HSD17B2: variants seen among roughly 807,000 people sequenced by gnomAD.
HSD17B2 encodes 17-beta-hydroxysteroid dehydrogenase type 2.
Under a neutral mutation model 26.9 loss-of-function variants are expected in HSD17B2, and 32 were observed. The observed-to-expected ratio is 1.19, with a 90% CI of 0.90 to 1.60. The LOEUF is 1.60. Ranked by LOEUF, HSD17B2 falls within the 40% of genes most tolerant of loss-of-function variation. The pLI is 0.00. For synonymous variants in HSD17B2, 246 were observed against 186.7 expected (o/e 1.32, Z -2.59); for missense variants, 613 against 468.6 (o/e 1.31, Z -2.85).
chr16:82,042,876 C>G (rs1000910380), intron 1 of HSD17B2, among the ~76,000 whole-genome samples: 1 of 152,216 alleles, frequency 6.6e-6, no homozygotes, highest in Non-Finnish European at 1.5e-5. Context: ...CTGCCTCGGC[C>G]TCCCAAAGTG....
Position 82,090,958 on chromosome 16 carries a change from A to C in HSD17B2, c.721A>C (p.Met241Leu). 6.2e-7 allele frequency: 1 copy of C among 1,614,010 alleles called. No individual in the cohort carries two copies. The highest frequency in any genetic ancestry group is 8.5e-7 in the Non-Finnish European group (1 of 1,179,884). Residue 241 changes from methionine to leucine, a missense_variant, in exon 4 of 5, where the codon ATG becomes CTG. Coordinates refer to ENST00000199936, the MANE Select transcript of HSD17B2 (RefSeq NM_002153.3). ...SYGSSKAAVT[M>L]FSSVMRLELS... ...TGGCTCATCAAAGGCGGCTGTGACC[A>C]TGTTCTCATCAGTTATGAGACTGGA...
In HSD17B2 at chr16:82,088,306, T is replaced by C. The variant is rs993116368; in HGVS notation, c.665-2596T>C. ...TTTTGAAAAGCCTGAGTAGCACTAATGGTAGAAAGCCCTTATATGGAGCTA... is the reference window on the plus strand; with the variant it reads ...TTTTGAAAAGCCTGAGTAGCACTAACGGTAGAAAGCCCTTATATGGAGCTA... On this transcript the variant is annotated intron_variant, in intron 3 of 4. Transcript: ENST00000199936. 5.3e-5 allele frequency among the ~76,000 whole-genome samples: 8 copies of C among 152,308 alleles called. No individual in the cohort carries two copies. The East Asian group carries it at 1.4e-3, about 26-fold the overall frequency.
Position 82,068,039 on chromosome 16 carries a change from A to C in HSD17B2, c.266-131A>C, listed in dbSNP as rs755425126. ...CCACCTCTCCACTTAGAACATAAAGAAACTTCCTCAGGAACCCCTCTCTTC... is the reference window on the plus strand; with the variant it reads ...CCACCTCTCCACTTAGAACATAAAGCAACTTCCTCAGGAACCCCTCTCTTC... On this transcript the variant is annotated intron_variant, in intron 1 of 4. Transcript: ENST00000199936. The C allele has an allele frequency of 7.8e-6, 6 of 771,752 alleles. No individual in the cohort carries two copies. The Admixed American group carries it at 1.1e-4, about 14-fold the overall frequency. 47.8% of individuals were successfully genotyped at this position (771,752 alleles called of 1,614,324 possible).
chr16:82,040,617 T>G (rs1272422379), intron 1 of HSD17B2, among the ~76,000 whole-genome samples: 1 of 152,230 alleles, frequency 6.6e-6, no homozygotes, highest in African/African-American at 2.4e-5. Context: ...AAGTAAATAT[T>G]GAACATCTGT....
intron 2 of HSD17B2, among the ~76,000 whole-genome samples, chr16:82,069,116 C>T (rs1410040860): frequency 1.3e-5 from 2 of 152,140 alleles, no homozygotes; most frequent in African/African-American, 4.8e-5. Flanking sequence ...ACCATGCGTC[C>T]ATGTGTTCTC....
intron 1 of HSD17B2, among the ~76,000 whole-genome samples, chr16:82,062,728 C>T (rs1396022622): frequency 6.6e-6 from 1 of 152,236 alleles, no homozygotes; most frequent in African/African-American, 2.4e-5. Flanking sequence ...AACATGCAAT[C>T]CATACTTGGT....
chr16:82,068,959 G>T (rs1222976194), intron 2 of HSD17B2, among the ~76,000 whole-genome samples: 2 of 152,096 alleles, frequency 1.3e-5, no homozygotes, highest in Non-Finnish European at 2.9e-5. Context: ...AGGATGTGCT[G>T]GTTTGTGACA....
rs143099925 is a variant in HSD17B2 at position 82,077,152 on chromosome 16, A to G, written c.664+6025A>G. ...AAATACCAATGACATTCTTCACAGA[A>G]ATAGAAAAAGAAATCCTGAAATTTA... On this transcript the variant is annotated intron_variant, in intron 3 of 4. Coordinates refer to ENST00000199936, the MANE Select transcript of HSD17B2 (RefSeq NM_002153.3). Among the ~76,000 whole-genome samples, 1,355 of 152,316 alleles carry G rather than the reference A, an allele frequency of 8.9e-3. 13 individuals carry two copies. The highest frequency in any genetic ancestry group is 0.031 in the African/African-American group (1,296 of 41,556).
intron 1 of HSD17B2, among the ~76,000 whole-genome samples, chr16:82,051,153 A>G (rs1914094403): frequency 6.6e-6 from 1 of 152,236 alleles, no homozygotes; most frequent in Non-Finnish European, 1.5e-5. Flanking sequence ...TTGAATATTT[A>G]TCTAGTAAAT....
In HSD17B2 at chr16:82,057,228, C is replaced by A. The variant is rs555151530; in HGVS notation, c.266-10942C>A. 3.5e-3 allele frequency among the ~76,000 whole-genome samples: 526 copies of A among 150,874 alleles called. 3 individuals are homozygous for A. Among genetic ancestry groups the A allele is most frequent in the African/African-American group, 0.012 (498 of 40,944 alleles). On this transcript the variant is annotated intron_variant, in intron 1 of 4. Coordinates refer to ENST00000199936, the MANE Select transcript of HSD17B2 (RefSeq NM_002153.3). ...TCTTTTTTTTTTTTTGAGAGAGAGT[C>A]CCCCTCCGTCACCAGGCTAGAGTGC...
At chr16:82,042,095 C>T (rs1913782719) in intron 1 of HSD17B2, among the ~76,000 whole-genome samples, 1 of 151,894 alleles carries the variant, frequency 6.6e-6, no homozygotes, top group East Asian at 1.9e-4. Context: ...CTCTGCCTTC[C>T]AGGTTCAAGC....
At chr16:82,075,923 AAG>A in intron 3 of HSD17B2, among the ~76,000 whole-genome samples, 1 of 151,004 alleles carries the variant, frequency 6.6e-6, no homozygotes, top group Admixed American at 6.6e-5. Flanking sequence ...AAAAAAAAAA[AAG>A]AAAAGAAAAC....
At chr16:82,053,233 A>T (rs1045861179) in intron 1 of HSD17B2, among the ~76,000 whole-genome samples, 1 of 152,202 alleles carries the variant, frequency 6.6e-6, no homozygotes, top group African/African-American at 2.4e-5. Flanking sequence ...GAGCCCACGT[A>T]CATCAGGGAA....
At position 82,068,459 on chromosome 16, in the gene HSD17B2, G is replaced by GC. The variant is rs949913456; in HGVS notation, c.478+84dup. The stretch of plus-strand genomic sequence containing the variant: ...TCTTGTTCCGGCTTAGGCTGAACAT[G>GC]CCCCCCCACTCCACTCTGGGCACTG... On this transcript the variant is annotated intron_variant, in intron 2 of 4. Transcript: ENST00000199936. The GC allele has an allele frequency of 5.1e-5, 62 of 1,205,114 alleles. 1 individual carries two copies. The highest frequency in any genetic ancestry group is 2.8e-4 in the Middle Eastern group (1 of 3,596). 74.7% of individuals were successfully genotyped at this position (1,205,114 alleles called of 1,614,324 possible).
At chr16:82,044,390 G>GTGGT (rs1244605452) in intron 1 of HSD17B2, 1 of 152,254 alleles carries the variant, frequency 6.6e-6, no homozygotes, top group Non-Finnish European at 1.5e-5. Context: ...TCTTAGGCAT[G>GTGGT]TGGTAATAAC....
At chr16:82,080,017 T>G (rs951063854) in intron 3 of HSD17B2, among the ~76,000 whole-genome samples, 1 of 152,178 alleles carries the variant, frequency 6.6e-6, no homozygotes, top group Non-Finnish European at 1.5e-5. Flanking sequence ...CCAGATTGTC[T>G]TGAGTCTGGC....
intron 1 of HSD17B2, among the ~76,000 whole-genome samples, chr16:82,053,815 A>G: frequency 6.6e-6 from 1 of 152,352 alleles, no homozygotes; most frequent in African/African-American, 2.4e-5. Flanking sequence ...ACAACACTGG[A>G]CATGGATGGT....
At chr16:82,067,544 A>T (rs941598565) in intron 1 of HSD17B2, among the ~76,000 whole-genome samples, 1 of 152,224 alleles carries the variant, frequency 6.6e-6, no homozygotes, top group Non-Finnish European at 1.5e-5. Flanking sequence ...CAATGCAATT[A>T]GGGCTTTCTA....
chr16:82,047,044 T>C (rs1913952864), intron 1 of HSD17B2, among the ~76,000 whole-genome samples: 1 of 152,200 alleles, frequency 6.6e-6, no homozygotes, highest in South Asian at 2.1e-4. Flanking sequence ...AGACACAGAA[T>C]CTTATGCAAA....
Sources: gnomAD v4.1 joint callset for allele counts (sites outside exome capture counted in the v4.1 genomes callset) on GRCh38, gnomAD v4.1.1 for gene constraint, MANE v1.5 for transcripts, NCBI Gene and HGNC (gene_info 2026-07-23, HGNC 2026-07-21) for gene names.